Variants in WTIP observed in about 807,000 individuals in gnomAD.
The protein encoded by WTIP is WT1 interacting protein.
A neutral mutation model predicts 41.7 loss-of-function variants in WTIP; 23 were observed. That is an observed-to-expected ratio of 0.55 (90% CI 0.40 to 0.78). The LOEUF is 0.78. Ranked by LOEUF, WTIP falls within the 30% of genes least tolerant of loss-of-function variation. The pLI is 0.00. For missense variants in WTIP, 619 were observed against 610.5 expected (o/e 1.01, Z -0.15); for synonymous variants, 314 against 269.9 (o/e 1.16, Z -1.60).
At position 34,490,357 on chromosome 19, in the gene WTIP, C is replaced by G. The variant is rs756073788; in HGVS notation, c.668-19C>G. ...GCTGTGGCGCTAACCCCTGCTCTCTCCTGCCTCTCCTCTCCTAGGCATTTG... is the reference window on the plus strand; with the variant it reads ...GCTGTGGCGCTAACCCCTGCTCTCTGCTGCCTCTCCTCTCCTAGGCATTTG... On this transcript the variant is annotated intron_variant, in intron 1 of 7. Coordinates refer to ENST00000590071, the MANE Select transcript of WTIP (RefSeq NM_001080436.2). The G allele has an allele frequency of 8.1e-6, 13 of 1,612,918 alleles. No individual in the cohort carries two copies. The East Asian group carries it at 2.7e-4, about 33-fold the overall frequency.
rs1400912909 is a variant in WTIP at position 34,504,163 on chromosome 19, CTGT to C, written c.*3899_*3901del. The stretch of plus-strand genomic sequence containing the variant: ...GTGGGAGGTGGAGTGGGAGAGAGAC[CTGT>C]TGTTTAAGAGGGAGACTGAGTGACT... On this transcript the variant is annotated 3_prime_UTR_variant, in exon 8 of 8. Transcript: ENST00000590071. 1.3e-5 allele frequency: 2 copies of C among 151,672 alleles called. No homozygotes were observed. Among genetic ancestry groups the C allele is most frequent in the African/African-American group, 4.9e-5 (2 of 41,198 alleles). The allele number at this position is 151,672 out of a possible 1,614,324, so 9.4% of individuals were successfully genotyped here.
intron 7 of WTIP, among the ~76,000 whole-genome samples, chr19:34,496,232 C>A (rs1235204883): frequency 6.6e-6 from 1 of 152,220 alleles, no homozygotes; most frequent in African/African-American, 2.4e-5. Context: ...AGTGCAGTGG[C>A]ACGATTATAG....
chr19:34,496,245 C>T (rs1568401574), intron 7 of WTIP, among the ~76,000 whole-genome samples: 1 of 152,228 alleles, frequency 6.6e-6, no homozygotes, highest in Non-Finnish European at 1.5e-5. Flanking sequence ...GATTATAGCT[C>T]ACTGGAGCCT....
At chr19:34,491,047 C>G (rs2075822834) in intron 2 of WTIP, among the ~76,000 whole-genome samples, 4 of 151,348 alleles carry the variant, frequency 2.6e-5, no homozygotes. Flanking sequence ...AGGCTGGTCT[C>G]AAACTCTTGA....
In WTIP at chr19:34,493,397, G is replaced by C; in HGVS notation, c.900+72G>C. The C allele has an allele frequency of 6.3e-7, 1 of 1,593,380 alleles. No homozygotes were observed. Among genetic ancestry groups the C allele is most frequent in the Non-Finnish European group, 8.5e-7 (1 of 1,170,696 alleles). On this transcript the variant is annotated intron_variant, in intron 4 of 7. Transcript: ENST00000590071. The surrounding 1 kb of genome is among the most constrained non-coding windows in gnomAD (Gnocchi z 4.1). ...GTCTGAGGACTCTACCGTCTCCCCT[G>C]CTCCAGACCTGCCAGGGGTTCAGGG...
At chr19:34,497,877 C>CTG (rs1283656950) in intron 7 of WTIP, among the ~76,000 whole-genome samples, 2 of 152,222 alleles carry the variant, frequency 1.3e-5, no homozygotes, top group Non-Finnish European at 2.9e-5. Flanking sequence ...GTCCTGTGGA[C>CTG]TGTGCGGTCC....
chr19:34,499,167 A>T (rs2075871186), intron 7 of WTIP, among the ~76,000 whole-genome samples: 1 of 151,738 alleles, frequency 6.6e-6, no homozygotes, highest in Admixed American at 6.6e-5. Context: ...GTGAGCTGAG[A>T]TCGCACCACT....
Position 34,482,254 on chromosome 19 carries a change from G to A in WTIP, c.280G>A (p.Ala94Thr). Residue 94 changes from alanine (A) to threonine (T), a missense_variant, in exon 1 of 8, where the codon GCG becomes ACG. Ala to Thr is a moderately conservative substitution (Grantham distance 58). This residue lies in a region of WTIP where 363 missense variants were observed against 309.0 expected (regional missense o/e 1.17). Transcript: ENST00000590071. ...TGCGGGCAGCCCACGGGCCAGCCTG[G>A]CGGGGTCCGACGGCGGCGGCGGTGG... ...QPAGSPRASL[A>T]GSDGGGGGGS... 1 of 1,275,120 alleles carries A rather than the reference G, an allele frequency of 7.8e-7. No homozygotes were observed. Among genetic ancestry groups the A allele is most frequent in the Non-Finnish European group, 1.0e-6 (1 of 1,004,508 alleles). The allele number at this position is 1,275,120 out of a possible 1,614,324, so 79.0% of individuals were successfully genotyped here. A position where few individuals can be genotyped will look rare whatever the true frequency, so the allele number is the denominator to read the frequency against.
In WTIP at chr19:34,482,396, G is replaced by T. The variant is rs756131905; in HGVS notation, c.422G>T (p.Arg141Leu). Residue 141 changes from arginine (R) to leucine (L), a missense_variant, in exon 1 of 8, where the codon CGC becomes CTC. Arg to Leu is a moderately radical substitution (Grantham distance 102, BLOSUM62 -2). This residue lies in a region of WTIP where 363 missense variants were observed against 309.0 expected (regional missense o/e 1.17). Coordinates refer to ENST00000590071, the MANE Select transcript of WTIP (RefSeq NM_001080436.2). ...GPGPPSVGSARSSVSSLGSRG... is the reference protein window; with the variant it reads ...GPGPPSVGSALSSVSSLGSRG... ...GGGCCGCCTTCGGTGGGCAGCGCCCGCTCCAGCGTTTCCAGCCTCGGCTCC... is the reference window on the plus strand; with the variant it reads ...GGGCCGCCTTCGGTGGGCAGCGCCCTCTCCAGCGTTTCCAGCCTCGGCTCC... 4 of 1,354,672 alleles carry T rather than the reference G, an allele frequency of 3.0e-6. No individual in the cohort carries two copies. Among genetic ancestry groups the T allele is most frequent in the Non-Finnish European group, 3.8e-6 (4 of 1,050,034 alleles). 83.9% of individuals were successfully genotyped at this position (1,354,672 alleles called of 1,614,324 possible).
intron 1 of WTIP, among the ~76,000 whole-genome samples, chr19:34,488,232 C>T (rs887861480): frequency 5.9e-5 from 9 of 152,076 alleles, no homozygotes; most frequent in Non-Finnish European, 2.9e-5. Context: ...CCTGCCACCT[C>T]GCCTGGCTAA....
Position 34,482,496 on chromosome 19 carries a change from T to C in WTIP, c.522T>C (p.Pro174=), listed in dbSNP as rs1303556095. 8.1e-7 allele frequency: 1 copy of C among 1,239,044 alleles called. No individual in the cohort carries two copies. The highest frequency in any genetic ancestry group is 1.0e-6 in the Non-Finnish European group (1 of 994,162). 76.8% of individuals were successfully genotyped at this position (1,239,044 alleles called of 1,614,324 possible). The part of the protein sequence containing the change: ...ACPAPARSPE[P]AGPAPFPLPA... Reference sequence around the variant, plus strand: ...CCGCGCCCGCTCGCTCCCCGGAGCCTGCGGGGCCGGCTCCCTTCCCGCTGC... The same window carrying C: ...CCGCGCCCGCTCGCTCCCCGGAGCCCGCGGGGCCGGCTCCCTTCCCGCTGC... The change falls in exon 1 of 8, where the codon CCT becomes CCC. Residue 174 remains proline (P), a synonymous_variant. Transcript: ENST00000590071.
intron 1 of WTIP, among the ~76,000 whole-genome samples, chr19:34,489,100 G>A (rs2075812389): frequency 6.7e-6 from 1 of 150,256 alleles, no homozygotes. Flanking sequence ...TCGGGAGGCT[G>A]AGGCAGGAGA....
Position 34,504,403 on chromosome 19 carries a change from TTGTGTGTG to T in WTIP, c.*4146_*4153del, listed in dbSNP as rs142028323. On this transcript the variant is annotated 3_prime_UTR_variant, in exon 8 of 8. Transcript: ENST00000590071. ...CTGTGGGGTGTAATTGTGTGTTTGT[TTGTGTGTG>T]TGTGTGTGTGTCTGTGTGTGTGTTG... 1 of 146,200 alleles carries T rather than the reference TTGTGTGTG, an allele frequency of 6.8e-6. No individual in the cohort carries two copies. 9.1% of individuals were successfully genotyped at this position (146,200 alleles called of 1,614,324 possible).
intron 1 of WTIP, among the ~76,000 whole-genome samples, 189 bp from the exon 2 acceptor site, chr19:34,490,187 C>T (rs1323264211): frequency 6.6e-6 from 1 of 152,184 alleles, no homozygotes; most frequent in Non-Finnish European, 1.5e-5. Flanking sequence ...CAGACAGCAG[C>T]AGCGGCAATC....
Position 34,481,992 on chromosome 19 carries a change from G to A in WTIP, c.18G>A (p.Ala6=). 5 of 1,013,688 alleles carry A rather than the reference G, an allele frequency of 4.9e-6. No homozygotes were observed. Among genetic ancestry groups the A allele is most frequent in the Non-Finnish European group, 5.9e-6 (5 of 849,730 alleles). The allele number at this position is 1,013,688 out of a possible 1,614,324, so 62.8% of individuals were successfully genotyped here. Residue 6 remains alanine, a synonymous_variant, in exon 1 of 8, where the codon GCG becomes GCA. Transcript: ENST00000590071. The stretch of plus-strand genomic sequence containing the variant: ...GCCGGGCCATGCAGCGCTCCAGGGC[G>A]GGCGCGGACGAGGCGGCCCTACTCC... MQRSR[A]GADEAALLLA... is the part of the protein sequence containing the mutation.
At chr19:34,483,008 T>TC (rs1254753501) in intron 1 of WTIP, among the ~76,000 whole-genome samples, 6 of 142,224 alleles carry the variant, frequency 4.2e-5, no homozygotes, top group Non-Finnish European at 9.3e-5. Context: ...TCTTTCTTCT[T>TC]TTTTTTTTTT....
chr19:34,495,644 C>A, intron 6 of WTIP, 59 bp from the exon 7 acceptor site: 1 of 1,588,770 alleles, frequency 6.3e-7, no homozygotes, highest in Non-Finnish European at 8.6e-7. Flanking sequence ...TGTACACTCA[C>A]GCAGTTTGCC....
rs1227009798 is a variant in WTIP at position 34,481,986 on chromosome 19, C to T, written c.12C>T (p.Ser4=). The change falls in exon 1 of 8, where the codon TCC becomes TCT. Residue 4 remains serine (S), a synonymous_variant. Coordinates refer to ENST00000590071, the MANE Select transcript of WTIP (RefSeq NM_001080436.2). The stretch of plus-strand genomic sequence containing the variant: ...CGGCGGGCCGGGCCATGCAGCGCTC[C>T]AGGGCGGGCGCGGACGAGGCGGCCC... MQR[S]RAGADEAALL... 3.0e-6 allele frequency: 3 copies of T among 1,010,344 alleles called. No individual in the cohort carries two copies. Among genetic ancestry groups the T allele is most frequent in the Non-Finnish European group, 3.5e-6 (3 of 847,736 alleles). 62.6% of individuals were successfully genotyped at this position (1,010,344 alleles called of 1,614,324 possible). A position where few individuals can be genotyped will look rare whatever the true frequency, so the allele number is the denominator to read the frequency against.
intron 1 of WTIP, among the ~76,000 whole-genome samples, chr19:34,486,556 AC>A (rs1456576996): frequency 2.0e-5 from 3 of 151,954 alleles, no homozygotes; most frequent in Non-Finnish European, 4.4e-5. Context: ...TTTGGTAGAG[AC>A]AGGGTTTCAC....
Sources: gnomAD v4.1 joint callset for allele counts (sites outside exome capture counted in the v4.1 genomes callset) on GRCh38, gnomAD v4.1.1 for gene constraint, gnomAD v4.1.1 regional missense constraint, Gnocchi (gnomAD v3.1) non-coding constraint, MANE v1.5 for transcripts, NCBI Gene and HGNC (gene_info 2026-07-23, HGNC 2026-07-21) for gene names.